The following MRTFA variants were observed in gnomAD, a reference collection of about 807,000 sequenced individuals.
MRTFA encodes myocardin related transcription factor A.
In MRTFA, 20 loss-of-function variants were observed where a neutral mutation model predicts 83.5. The ratio of observed to expected loss-of-function variants is 0.24; its 90% CI spans 0.17 to 0.35. The LOEUF (loss-of-function observed/expected upper bound fraction) is 0.35. Among genes scored for constraint, MRTFA ranks in the 10% least tolerant of loss-of-function variants. The pLI is 1.00. For synonymous variants in MRTFA, 659 were observed against 541.2 expected, an observed-to-expected ratio of 1.22 and a Z score of -3.02; for missense variants, 1,200 against 1,224.7, an observed-to-expected ratio of 0.98 and a Z score of 0.30.
At chr22:40,460,282 T>G (rs2053687379) in intron 4 of MRTFA, among the ~76,000 whole-genome samples, 1 of 152,068 alleles carries the variant, frequency 6.6e-6, no homozygotes, top group African/African-American at 2.4e-5. Flanking sequence ...GACTAATAGA[T>G]AAATCCTATT....
At position 40,625,850 on chromosome 22, in the gene MRTFA, C is replaced by T. The variant is rs542530029; in HGVS notation, c.-84+10628G>A. On this transcript the variant is annotated intron_variant, in intron 1 of 14. Transcript: ENST00000355630. ...AGAATAAAAACCCACAACCTCTTTC[C>T]CTTCAATGCCACAACCTTAGAGCAT... Among the ~76,000 whole-genome samples the T allele has an allele frequency of 1.1e-4, 17 of 152,222 alleles. No homozygotes were observed. In the South Asian group the frequency reaches 1.7e-3, roughly 15 times the overall value.
intron 3 of MRTFA, among the ~76,000 whole-genome samples, chr22:40,465,040 C>T (rs533522488): frequency 2.0e-5 from 3 of 152,222 alleles, no homozygotes; most frequent in South Asian, 4.1e-4. Flanking sequence ...CCTCAAGTAC[C>T]GTGAATTTTT....
chr22:40,609,773 G>GT (rs1266458702), intron 1 of MRTFA, among the ~76,000 whole-genome samples: 1 of 152,000 alleles, frequency 6.6e-6, no homozygotes, highest in East Asian at 1.9e-4. Flanking sequence ...GGAGGTTGTG[G>GT]TGAGTCGAGA....
At chr22:40,436,726 G>C (rs754778669) in intron 4 of MRTFA, among the ~76,000 whole-genome samples, 2 of 152,214 alleles carry the variant, frequency 1.3e-5, no homozygotes, top group Non-Finnish European at 2.9e-5. Context: ...AGGGAACAGA[G>C]GCAATAAGAG....
At position 40,504,722 on chromosome 22, in the gene MRTFA, CT is replaced by C. The variant is rs577787129; in HGVS notation, c.242-41437del. 4.0e-4 allele frequency among the ~76,000 whole-genome samples: 61 copies of C among 152,300 alleles called. No individual in the cohort carries two copies. In the South Asian group the frequency reaches 0.012, roughly 30 times the overall value. ...AAGAGGATTTGATCAGAATCCTCAA[CT>C]TAGAATGAACCTCAAGATGTGTGAC... On this transcript the variant is annotated intron_variant, in intron 3 of 14. Coordinates refer to ENST00000355630, the MANE Select transcript of MRTFA (RefSeq NM_020831.6).
intron 3 of MRTFA, among the ~76,000 whole-genome samples, chr22:40,482,755 A>T (rs2054112083): frequency 6.6e-6 from 1 of 152,150 alleles, no homozygotes; most frequent in African/African-American, 2.4e-5. Context: ...TTCTGCACCC[A>T]ACTTTGTTGT....
At chr22:40,494,137 T>C (rs1369933845) in intron 3 of MRTFA, among the ~76,000 whole-genome samples, 2 of 152,250 alleles carry the variant, frequency 1.3e-5, no homozygotes, top group East Asian at 1.9e-4. Context: ...TACCAAATTA[T>C]ATTAAAGAGC....
intron 1 of MRTFA, among the ~76,000 whole-genome samples, chr22:40,601,849 C>G (rs1314727757): frequency 6.6e-6 from 1 of 151,774 alleles, no homozygotes. Flanking sequence ...GACTGAAATC[C>G]CTTTCCCATC....
chr22:40,459,848 T>TATATATATATATATATATATACAC (rs2053676704), intron 4 of MRTFA, among the ~76,000 whole-genome samples: 1 of 139,470 alleles, frequency 7.2e-6, no homozygotes, highest in South Asian at 2.4e-4. Flanking sequence ...TATATATATA[T>TATATATATATATATATATATACAC]ATATATATAT....
At chr22:40,468,227 C>G (rs189582676) in intron 3 of MRTFA, among the ~76,000 whole-genome samples, 2 of 152,196 alleles carry the variant, frequency 1.3e-5, no homozygotes, top group Admixed American at 1.3e-4. Flanking sequence ...TCAATCAAGA[C>G]TGGAACAAGA....
intron 3 of MRTFA, among the ~76,000 whole-genome samples, chr22:40,515,192 C>T (rs2054737594): frequency 1.3e-5 from 2 of 152,110 alleles, no homozygotes; most frequent in South Asian, 4.2e-4. Context: ...CAGGCCTGAG[C>T]CACTGTGCCC....
chr22:40,464,823 T>A (rs1391788176), intron 3 of MRTFA, among the ~76,000 whole-genome samples: 2 of 152,178 alleles, frequency 1.3e-5, no homozygotes, highest in Admixed American at 6.5e-5. Context: ...CCTTCTTACT[T>A]CTTTAATGAT....
chr22:40,440,630 C>T (rs569781315), intron 4 of MRTFA, among the ~76,000 whole-genome samples: 10 of 152,312 alleles, frequency 6.6e-5, no homozygotes, highest in African/African-American at 1.9e-4. Flanking sequence ...GGAGTAGCCA[C>T]AGCAAGTGCT....
intron 4 of MRTFA, among the ~76,000 whole-genome samples, chr22:40,456,625 T>C (rs533585712): frequency 6.6e-6 from 1 of 152,326 alleles, no homozygotes; most frequent in African/African-American, 2.4e-5. Context: ...AGGCAGAGGT[T>C]GCAGTGAGCT....
At chr22:40,615,090 C>A (rs1292162034) in intron 1 of MRTFA, among the ~76,000 whole-genome samples, 1 of 151,648 alleles carries the variant, frequency 6.6e-6, no homozygotes, top group African/African-American at 2.4e-5. Flanking sequence ...AAGATTTAGT[C>A]CCATGATTTC....
At chr22:40,529,866 G>C (rs112766483) in intron 3 of MRTFA, among the ~76,000 whole-genome samples, 41 of 152,218 alleles carry the variant, frequency 2.7e-4, no homozygotes, top group African/African-American at 9.4e-4. Flanking sequence ...CAGTCCCCCA[G>C]TTCTCTATTC....
At chr22:40,609,194 G>A (rs902286987) in intron 1 of MRTFA, among the ~76,000 whole-genome samples, 2 of 151,922 alleles carry the variant, frequency 1.3e-5, no homozygotes, top group Non-Finnish European at 2.9e-5. Flanking sequence ...AGGAGGCTGA[G>A]GCAGGGGAAT....
chr22:40,499,421 CCA>C (rs1480588020), intron 3 of MRTFA, among the ~76,000 whole-genome samples: 1 of 152,034 alleles, frequency 6.6e-6, no homozygotes, highest in Admixed American at 6.6e-5. Flanking sequence ...TATGGACTGA[CCA>C]CAGACTACAA....
At chr22:40,466,821 C>A (rs898207381) in intron 3 of MRTFA, among the ~76,000 whole-genome samples, 1 of 152,098 alleles carries the variant, frequency 6.6e-6, no homozygotes, top group Non-Finnish European at 1.5e-5. Flanking sequence ...GATTGAAAAA[C>A]TTCTTGCTTC....
Sources: gnomAD v4.1 joint callset for allele counts (sites outside exome capture counted in the v4.1 genomes callset) on GRCh38, gnomAD v4.1.1 for gene constraint, MANE v1.5 for transcripts, NCBI Gene and HGNC (gene_info 2026-07-23, HGNC 2026-07-21) for gene names.